COL28A1: variants seen among roughly 807,000 people sequenced by gnomAD.
COL28A1 encodes the protein collagen alpha-1(XXVIII) chain.
COL28A1 carries 161 observed loss-of-function variants against 150.2 expected under a neutral mutation model. That is an observed-to-expected ratio of 1.07 (90% CI 0.94 to 1.22). COL28A1 has a LOEUF of 1.22. Ranked by LOEUF, COL28A1 falls within the 50% of genes most tolerant of loss-of-function variation. The pLI, the probability that COL28A1 is intolerant of heterozygous loss-of-function variation, is 0.00. For missense variants in COL28A1, 1,617 were observed against 1,388.3 expected, an observed-to-expected ratio of 1.16 and a Z score of -2.62; for synonymous variants, 552 against 469.7, an observed-to-expected ratio of 1.18 and a Z score of -2.26.
chr7:7,407,193 G>T (rs563209376), intron 27 of COL28A1, among the ~76,000 whole-genome samples: 2 of 151,916 alleles, frequency 1.3e-5, no homozygotes, highest in Non-Finnish European at 2.9e-5. Context: ...TTGTAGAGAG[G>T]AAAGAACTAA....
At chr7:7,381,760 C>CA (rs1781886943) in intron 27 of COL28A1, 148 bp from the exon 28 acceptor site, 1 of 547,628 alleles carries the variant, frequency 1.8e-6, no homozygotes, top group East Asian at 3.1e-5. Flanking sequence ...TATATAAATA[C>CA]ATATGTGTAT....
chr7:7,346,403 A>G, the COL28A1 span, among the ~76,000 whole-genome samples: 5 of 152,194 alleles, frequency 3.3e-5, no homozygotes, highest in South Asian at 1.0e-3. Context: ...TATATTTACT[A>G]AAGTACTCAT....
intron 33 of COL28A1, among the ~76,000 whole-genome samples, chr7:7,365,473 C>G (rs1780887876): frequency 6.6e-6 from 1 of 152,148 alleles, no homozygotes; most frequent in Admixed American, 6.5e-5. Flanking sequence ...TATCACCATT[C>G]TCTTTCAGCC....
intron 19 of COL28A1, among the ~76,000 whole-genome samples, chr7:7,444,086 T>C (rs1786048692): frequency 6.6e-6 from 1 of 150,898 alleles, no homozygotes. Flanking sequence ...CCTTATTTCC[T>C]GTATGCATTT....
intron 27 of COL28A1, among the ~76,000 whole-genome samples, chr7:7,400,728 C>A (rs922849655): frequency 2.0e-5 from 3 of 151,334 alleles, no homozygotes; most frequent in Non-Finnish European, 4.4e-5. Flanking sequence ...ATTACTTCCT[C>A]TATAACTCCA....
intron 11 of COL28A1, among the ~76,000 whole-genome samples, chr7:7,505,660 A>G (rs1342198641): frequency 6.6e-6 from 1 of 151,990 alleles, no homozygotes; most frequent in Non-Finnish European, 1.5e-5. Flanking sequence ...GTGGCATTAC[A>G]TTTGAGAAAT....
chr7:7,391,614 G>C (rs1294643), intron 27 of COL28A1, among the ~76,000 whole-genome samples: 19 of 151,886 alleles, frequency 1.3e-4, no homozygotes, highest in African/African-American at 4.4e-4. Context: ...GGGAATCTAA[G>C]TCTCTTTGTA....
At chr7:7,542,261 T>C in the COL28A1 span, among the ~76,000 whole-genome samples, 2 of 152,050 alleles carry the variant, frequency 1.3e-5, no homozygotes, top group Admixed American at 6.6e-5. Flanking sequence ...GGCAGGAGAA[T>C]TGCTTGAACC....
chr7:7,452,707 T>C (rs1362323025), intron 17 of COL28A1, among the ~76,000 whole-genome samples: 1 of 152,144 alleles, frequency 6.6e-6, no homozygotes, highest in African/African-American at 2.4e-5. Flanking sequence ...ACAACTAAAA[T>C]TGGCACAGGA....
chr7:7,513,195 T>C (rs1320260302), intron 8 of COL28A1, among the ~76,000 whole-genome samples: 1 of 152,178 alleles, frequency 6.6e-6, no homozygotes, highest in Non-Finnish European at 1.5e-5. Flanking sequence ...AGCCTTTACA[T>C]TATTGCTAAT....
intron 11 of COL28A1, among the ~76,000 whole-genome samples, chr7:7,493,096 T>C (rs781058266): frequency 6.7e-6 from 1 of 148,782 alleles, no homozygotes; most frequent in Non-Finnish European, 1.5e-5. Flanking sequence ...AATAATAATA[T>C]CTACCCACTG....
intron 25 of COL28A1, among the ~76,000 whole-genome samples, chr7:7,427,197 G>T (rs1784692080): frequency 6.6e-6 from 1 of 152,144 alleles, no homozygotes; most frequent in Non-Finnish European, 1.5e-5. Flanking sequence ...AACTGCATTG[G>T]GGAGTAACCT....
intron 13 of COL28A1, among the ~76,000 whole-genome samples, chr7:7,485,425 C>T (rs1188463054): frequency 6.6e-6 from 1 of 151,984 alleles, no homozygotes. Flanking sequence ...TCTCTTTATA[C>T]CCTTAACAGA....
chr7:7,471,061 T>A (rs1788372659), intron 15 of COL28A1, among the ~76,000 whole-genome samples: 1 of 137,162 alleles, frequency 7.3e-6, no homozygotes, highest in Non-Finnish European at 1.5e-5. Flanking sequence ...TGTATACATA[T>A]GTAACTAACC....
chr7:7,358,831 C>T (rs1396207930), intron 34 of COL28A1, 26 bp from the exon 35 acceptor site: 3 of 1,579,938 alleles, frequency 1.9e-6, no homozygotes, highest in Admixed American at 1.8e-5. Flanking sequence ...GAAAATGTGT[C>T]ACGGATTTTT....
chr7:7,419,666 C>T (rs930414084), intron 26 of COL28A1, among the ~76,000 whole-genome samples: 9 of 152,300 alleles, frequency 5.9e-5, no homozygotes, highest in South Asian at 2.1e-4. Flanking sequence ...TAAAAAGAGG[C>T]TGACTTGCTC....
intron 32 of COL28A1, among the ~76,000 whole-genome samples, chr7:7,372,133 C>A (rs1781261943): frequency 6.6e-6 from 1 of 152,120 alleles, no homozygotes; most frequent in Admixed American, 6.5e-5. Flanking sequence ...GGCACGGTGG[C>A]TCATGCCTGT....
chr7:7,516,709 G>C (rs1330930288), intron 7 of COL28A1, among the ~76,000 whole-genome samples: 1 of 152,164 alleles, frequency 6.6e-6, no homozygotes, highest in Non-Finnish European at 1.5e-5. Flanking sequence ...ATGTGAGTCA[G>C]ACTACAAAAT....
At chr7:7,439,370 C>G (rs1309652878) in intron 21 of COL28A1, among the ~76,000 whole-genome samples, 2 of 152,086 alleles carry the variant, frequency 1.3e-5, no homozygotes, top group Non-Finnish European at 2.9e-5. Flanking sequence ...CAAAAAAACC[C>G]CATCCAAGCC....
Sources: allele counts gnomAD v4.1 joint callset (sites outside exome capture counted in the v4.1 genomes callset), GRCh38; gene constraint gnomAD v4.1.1; transcripts MANE v1.5; gene names NCBI Gene and HGNC (gene_info 2026-07-23, HGNC 2026-07-21).